Variants in KCNH7 observed in about 807,000 individuals in gnomAD.
The protein encoded by KCNH7 is potassium voltage-gated channel subfamily H member 7.
KCNH7 carries 49 observed loss-of-function variants against 120.8 expected under a neutral mutation model. The ratio of observed to expected loss-of-function variants is 0.41; its 90% confidence interval spans 0.32 to 0.51. KCNH7 has a LOEUF of 0.51. KCNH7 is among the 20% of genes least tolerant of loss of function. The pLI, the probability that KCNH7 is intolerant of heterozygous loss-of-function variation, is 0.38. For missense variants in KCNH7, 1,097 were observed against 1,446.6 expected, an observed-to-expected ratio of 0.76 and a Z score of 3.92; for synonymous variants, 547 against 516.1, an observed-to-expected ratio of 1.06 and a Z score of -0.81.
chr2:162,379,236 C>G (rs955212522), intron 14 of KCNH7, among the ~76,000 whole-genome samples: 3 of 152,072 alleles, frequency 2.0e-5, no homozygotes, highest in African/African-American at 7.2e-5. Flanking sequence ...TGTGTCATAC[C>G]CACTCATAGA....
chr2:162,814,744 C>A (rs1684859046), intron 2 of KCNH7, among the ~76,000 whole-genome samples: 1 of 152,158 alleles, frequency 6.6e-6, no homozygotes. Context: ...TGTCTAGCTT[C>A]AGATAACCCT....
chr2:162,417,465 A>G (rs1293734747), intron 9 of KCNH7, among the ~76,000 whole-genome samples: 2 of 152,186 alleles, frequency 1.3e-5, no homozygotes, highest in Non-Finnish European at 2.9e-5. Context: ...GTTCTATTCA[A>G]ATAGGAACAT....
At chr2:162,563,966 T>C (rs1261228569) in intron 2 of KCNH7, among the ~76,000 whole-genome samples, 1 of 152,190 alleles carries the variant, frequency 6.6e-6, no homozygotes, top group Non-Finnish European at 1.5e-5. Context: ...TAAAAAGTTG[T>C]TATCTACAAT....
At chr2:162,458,699 G>A (rs1256757544) in intron 6 of KCNH7, among the ~76,000 whole-genome samples, 3 of 152,136 alleles carry the variant, frequency 2.0e-5, no homozygotes, top group Non-Finnish European at 4.4e-5. Context: ...GATGACAGAG[G>A]AACCACGTGA....
chr2:162,373,283 A>C (rs966840009), intron 15 of KCNH7, among the ~76,000 whole-genome samples, 187 bp downstream of exon 15: 8 of 152,236 alleles, frequency 5.3e-5, no homozygotes, highest in African/African-American at 1.9e-4. Context: ...TTAAATGAAC[A>C]TAAAAATCAG....
chr2:162,707,084 C>A (rs1034587558), intron 2 of KCNH7, among the ~76,000 whole-genome samples: 20 of 152,036 alleles, frequency 1.3e-4, no homozygotes, highest in Non-Finnish European at 2.9e-4. Context: ...ATTTTACATT[C>A]AAAGAACATC....
chr2:162,436,312 C>A (rs943194499), intron 7 of KCNH7, among the ~76,000 whole-genome samples: 12 of 152,084 alleles, frequency 7.9e-5, no homozygotes, highest in Admixed American at 4.6e-4. Flanking sequence ...TGATTGCATG[C>A]ATGAATTAGG....
chr2:162,838,621 G>T lies in KCNH7; in HGVS notation c.-103C>A. The T allele has an allele frequency of 1.2e-6, 1 of 845,660 alleles. No homozygotes were observed. Among genetic ancestry groups the T allele is most frequent in the Non-Finnish European group, 1.9e-6 (1 of 529,764 alleles). The allele number at this position is 845,660 out of a possible 1,614,324, so 52.4% of individuals were successfully genotyped here. A position where few individuals can be genotyped will look rare whatever the true frequency, so the allele number is the denominator to read the frequency against. On this transcript the variant is annotated 5_prime_UTR_variant, in exon 1 of 16. It introduces an in-frame stop codon into an upstream open reading frame of the 5' UTR. Coordinates refer to ENST00000332142, the MANE Select transcript of KCNH7 (RefSeq NM_033272.4). ...GCCAGCGCGCGAGCCGCTCTTTGTGGCAGAGCATCCTCTTTTGAAACCAGA... is the reference window on the plus strand; with the variant it reads ...GCCAGCGCGCGAGCCGCTCTTTGTGTCAGAGCATCCTCTTTTGAAACCAGA...
chr2:162,716,782 T>G (rs1420257991), intron 2 of KCNH7, among the ~76,000 whole-genome samples: 1 of 152,110 alleles, frequency 6.6e-6, no homozygotes, highest in African/African-American at 2.4e-5. Context: ...TAAAATATGA[T>G]CAAACATTTA....
chr2:162,766,105 T>TA (rs1682793377), intron 2 of KCNH7, among the ~76,000 whole-genome samples: 1 of 152,142 alleles, frequency 6.6e-6, no homozygotes, highest in African/African-American at 2.4e-5. Flanking sequence ...CCATTTTAAC[T>TA]ACTAAAAACT....
intron 2 of KCNH7, among the ~76,000 whole-genome samples, chr2:162,755,583 G>A (rs1038785471): frequency 6.6e-6 from 1 of 152,138 alleles, no homozygotes; most frequent in East Asian, 1.9e-4. Context: ...ATCCTTGTGT[G>A]ACACTGTGTG....
intron 2 of KCNH7, among the ~76,000 whole-genome samples, chr2:162,615,323 T>C (rs143048128): frequency 9.5e-4 from 144 of 152,332 alleles, no homozygotes; most frequent in African/African-American, 3.2e-3. Flanking sequence ...TTTGCTTATT[T>C]AGCACTTCAA....
At chr2:162,521,069 C>T (rs1420486616) in intron 3 of KCNH7, among the ~76,000 whole-genome samples, 2 of 151,866 alleles carry the variant, frequency 1.3e-5, no homozygotes, top group African/African-American at 4.8e-5. Flanking sequence ...GCTTTTCCTT[C>T]CTTCTGAACA....
At position 162,517,908 on chromosome 2, in the gene KCNH7, G is replaced by A. The variant is rs769442543; in HGVS notation, c.714C>T (p.Ser238=). Residue 238 remains serine, a synonymous_variant, in exon 4 of 16, where the codon TCC becomes TCT. Coordinates refer to ENST00000332142, the MANE Select transcript of KCNH7 (RefSeq NM_033272.4). Reference sequence around the variant, plus strand: ...GTCGGTCCCATTGCCTTTTGGGAGAGGAATGGTCAAGAGGTCCGGATATAT... The same window carrying A: ...GTCGGTCCCATTGCCTTTTGGGAGAAGAATGGTCAAGAGGTCCGGATATAT... ...LVNISGPLDH[S]SPKRQWDRLY... 4 of 1,612,230 alleles carry A rather than the reference G, an allele frequency of 2.5e-6. No homozygotes were observed. The African/African-American group carries it at 4.0e-5, about 16-fold the overall frequency.
chr2:162,442,773 T>G (rs9753328), intron 7 of KCNH7, among the ~76,000 whole-genome samples: 40 of 152,150 alleles, frequency 2.6e-4, no homozygotes, highest in Non-Finnish European at 8.8e-5. Flanking sequence ...AGAGGATCAC[T>G]TGAGCCCAGG....
At chr2:162,437,612 C>G (rs781183932) in intron 7 of KCNH7, among the ~76,000 whole-genome samples, 13 of 152,074 alleles carry the variant, frequency 8.5e-5, no homozygotes, top group Non-Finnish European at 1.8e-4. Context: ...TTTAATCTTA[C>G]ACTTCATCTG....
Position 162,517,912 on chromosome 2 carries a change from T to C in KCNH7, c.710A>G (p.His237Arg), listed in dbSNP as rs1486949298. 2 of 1,611,868 alleles carry C rather than the reference T, an allele frequency of 1.2e-6. No individual in the cohort carries two copies. The highest frequency in any genetic ancestry group is 1.1e-5 in the South Asian group (1 of 91,028). ...GTCCCATTGCCTTTTGGGAGAGGAA[T>C]GGTCAAGAGGTCCGGATATATTCAC... is the stretch of plus-strand genomic sequence containing the variant. ...PLVNISGPLD[H>R]SSPKRQWDRL... The change falls in exon 4 of 16, where the codon CAT becomes CGT. Residue 237 changes from histidine (H) to arginine (R), a missense_variant. His to Arg is a conservative substitution (Grantham distance 29). Coordinates refer to ENST00000332142, the MANE Select transcript of KCNH7 (RefSeq NM_033272.4).
At chr2:162,437,200 C>T (rs970072162) in intron 7 of KCNH7, among the ~76,000 whole-genome samples, 5 of 152,098 alleles carry the variant, frequency 3.3e-5, no homozygotes, top group Non-Finnish European at 7.4e-5. Flanking sequence ...AAGGGGATCC[C>T]TTAGTCTCCC....
chr2:162,558,643 A>G (rs73024651), intron 2 of KCNH7, among the ~76,000 whole-genome samples: 8,500 of 151,826 alleles, frequency 0.056, 474 homozygotes, highest in African/African-American at 0.13. Flanking sequence ...AAAAGAAGTA[A>G]CATGGTGATG....
Sources: gnomAD v4.1 joint callset for allele counts (sites outside exome capture counted in the v4.1 genomes callset) on GRCh38, gnomAD v4.1.1 for gene constraint, MANE v1.5 for transcripts, NCBI Gene and HGNC (gene_info 2026-07-23, HGNC 2026-07-21) for gene names.